The following PRKAR1B variants were observed in gnomAD, a reference collection of about 807,000 sequenced individuals.
PRKAR1B encodes the protein protein kinase cAMP-dependent type I regulatory subunit beta, also known as cAMP-dependent protein kinase type I-beta regulatory subunit.
Under a neutral mutation model 46.5 loss-of-function variants are expected in PRKAR1B, and 22 were observed. That is an observed-to-expected ratio of 0.47 (90% confidence interval 0.34 to 0.68). The LOEUF is 0.68. PRKAR1B is among the 30% of genes least tolerant of loss of function. The probability of loss-of-function intolerance (pLI) is 0.01; values close to 1 mark genes in which losing one functional copy is unlikely to be tolerated. For missense variants in PRKAR1B, 445 were observed against 535.6 expected (o/e 0.83, Z 1.67); for synonymous variants, 259 against 217.7 (o/e 1.19, Z -1.67).
intron 9 of PRKAR1B, among the ~76,000 whole-genome samples, chr7:564,812 C>G (rs142013984): frequency 6.6e-6 from 1 of 152,212 alleles, no homozygotes; most frequent in East Asian, 1.9e-4. Flanking sequence ...ACTCCCGAGA[C>G]GAACACATCA....
At chr7:605,655 G>A (rs28635814) in intron 6 of PRKAR1B, among the ~76,000 whole-genome samples, 1 of 152,340 alleles carries the variant, frequency 6.6e-6, no homozygotes, top group African/African-American at 2.4e-5. Flanking sequence ...TCTCATAAAA[G>A]ATGCTCTTGA....
At chr7:681,371 T>G (rs1247105788) in intron 2 of PRKAR1B, among the ~76,000 whole-genome samples, 1 of 151,160 alleles carries the variant, frequency 6.6e-6, no homozygotes, top group Non-Finnish European at 1.5e-5. Flanking sequence ...CACCTAAAGT[T>G]GCAGTTCCTA....
intron 2 of PRKAR1B, among the ~76,000 whole-genome samples, chr7:682,723 A>T (rs1778761279): frequency 6.6e-6 from 1 of 151,636 alleles, no homozygotes; most frequent in Non-Finnish European, 1.5e-5. Flanking sequence ...AGCCTGGATG[A>T]CAGAGCGAGA....
intron 4 of PRKAR1B, among the ~76,000 whole-genome samples, chr7:658,818 T>C (rs1222104563): frequency 6.6e-6 from 1 of 152,032 alleles, no homozygotes; most frequent in Non-Finnish European, 1.5e-5. Context: ...GCCAGGCTAA[T>C]TTTTGTATTT....
At chr7:575,868 T>C (rs1299355904) in intron 9 of PRKAR1B, among the ~76,000 whole-genome samples, 2 of 152,216 alleles carry the variant, frequency 1.3e-5, no homozygotes, top group Non-Finnish European at 2.9e-5. Flanking sequence ...TGAGCCACCG[T>C]GCCCAACAGC....
intron 7 of PRKAR1B, among the ~76,000 whole-genome samples, chr7:592,728 C>T (rs148566802): frequency 5.9e-4 from 90 of 152,258 alleles, no homozygotes; most frequent in East Asian, 3.1e-3. Flanking sequence ...CCAAAGCTTA[C>T]AAGAAAGAAA....
rs934744489 is a variant in PRKAR1B, at chr7:714,130, G to A, written c.-22-2603C>T. Among the ~76,000 whole-genome samples, 1 of 152,116 alleles carries A rather than the reference G, an allele frequency of 6.6e-6. No individual in the cohort carries two copies. The highest frequency in any genetic ancestry group is 6.5e-5 in the Admixed American group (1 of 15,268). ...ACTCCTGCTCCTCCAGGGTAGACTG[G>A]TGAGGACAGCAAAAAAGACCCAGGT... On this transcript the variant is annotated intron_variant, in intron 1 of 10. Coordinates refer to ENST00000537384, the MANE Select transcript of PRKAR1B (RefSeq NM_001164760.2). The surrounding 1 kb of genome is among the most constrained non-coding windows in gnomAD (Gnocchi z 4.3).
intron 4 of PRKAR1B, among the ~76,000 whole-genome samples, chr7:638,341 C>G (rs576849365): frequency 1.8e-4 from 27 of 152,312 alleles, no homozygotes; most frequent in African/African-American, 6.5e-4. Flanking sequence ...ACACACCTCA[C>G]ATAATTAAAA....
intron 9 of PRKAR1B, among the ~76,000 whole-genome samples, chr7:559,548 C>T (rs1032391913): frequency 7.2e-5 from 11 of 152,186 alleles, no homozygotes; most frequent in Non-Finnish European, 1.5e-4. Flanking sequence ...AGGGAAGCAC[C>T]GGAGCCCAGG....
At chr7:568,168 C>T (rs981371644) in intron 9 of PRKAR1B, among the ~76,000 whole-genome samples, 1 of 152,214 alleles carries the variant, frequency 6.6e-6, no homozygotes, top group Non-Finnish European at 1.5e-5. Context: ...GGGGTCATGG[C>T]CAGGGTGAGG....
In PRKAR1B at chr7:613,241, G is replaced by T. The variant is rs796758130; in HGVS notation, c.441-5789C>A. On this transcript the variant is annotated intron_variant, in intron 4 of 10. Coordinates refer to ENST00000537384, the MANE Select transcript of PRKAR1B (RefSeq NM_001164760.2). ...TCATGTGTTTTTTTCTTTTTCTTTT[G>T]TTTTTTTTTTTTTGATTACTTGTAC... 5.1e-3 allele frequency among the ~76,000 whole-genome samples: 703 copies of T among 136,942 alleles called. 4 individuals carry two copies. The highest frequency in any genetic ancestry group is 0.024 in the South Asian group (100 of 4,240). 89.8% of individuals were successfully genotyped at this position (136,942 alleles called of 152,430 possible).
At chr7:659,800 G>T (rs534813763) in intron 4 of PRKAR1B, among the ~76,000 whole-genome samples, 20 of 152,082 alleles carry the variant, frequency 1.3e-4, no homozygotes, top group African/African-American at 4.6e-4. Context: ...TCCACCTCCC[G>T]GGCTTAAGCG....
intron 4 of PRKAR1B, among the ~76,000 whole-genome samples, chr7:635,292 C>T (rs1783981583): frequency 6.6e-6 from 1 of 152,354 alleles, no homozygotes; most frequent in African/African-American, 2.4e-5. Context: ...TGGCAGCTTC[C>T]ACATCTCAGG....
At chr7:581,554 G>A (rs1458336273) in intron 8 of PRKAR1B, among the ~76,000 whole-genome samples, 2 of 152,192 alleles carry the variant, frequency 1.3e-5, no homozygotes, top group African/African-American at 2.4e-5. Flanking sequence ...GAAGTCAGCT[G>A]CAGTTAGGAA....
chr7:583,470 C>CACCCA lies in PRKAR1B; in HGVS notation c.769+1037_769+1038insTGGGT, dbSNP rs1780357171. On this transcript the variant is annotated intron_variant, in intron 8 of 10. Transcript: ENST00000537384. ...ACTCACACCCACTCACACACGTGCA[C>CACCCA]TCACACCCACGCACACACGTGTGTG... Among the ~76,000 whole-genome samples the CACCCA allele has an allele frequency of 4.2e-5, 6 of 142,162 alleles. No homozygotes were observed. The South Asian group carries it at 1.4e-3, about 33-fold the overall frequency. The allele number at this position is 142,162 out of a possible 152,430, so 93.3% of individuals were successfully genotyped here.
At chr7:562,619 C>T (rs1778873627) in intron 9 of PRKAR1B, among the ~76,000 whole-genome samples, 1 of 152,220 alleles carries the variant, frequency 6.6e-6, no homozygotes, top group Admixed American at 6.5e-5. Context: ...CACACCCTTT[C>T]CTCCATTACT....
intron 4 of PRKAR1B, among the ~76,000 whole-genome samples, chr7:634,713 C>A (rs1461291811): frequency 6.6e-6 from 1 of 151,628 alleles, no homozygotes; most frequent in African/African-American, 2.4e-5. Flanking sequence ...GATCTTGGCT[C>A]ACTGCAACCC....
At chr7:597,889 T>C (rs1264245990) in intron 6 of PRKAR1B, among the ~76,000 whole-genome samples, 1 of 152,148 alleles carries the variant, frequency 6.6e-6, no homozygotes, top group African/African-American at 2.4e-5. Flanking sequence ...AACTTGCAAA[T>C]AGGAACGTGC....
intron 2 of PRKAR1B, among the ~76,000 whole-genome samples, chr7:703,579 C>T (rs1780169463): frequency 6.6e-6 from 1 of 151,710 alleles, no homozygotes; most frequent in South Asian, 2.1e-4. Flanking sequence ...TGGCACGAAC[C>T]CGGGAGGTGG....
Sources: allele counts gnomAD v4.1 joint callset (sites outside exome capture counted in the v4.1 genomes callset), GRCh38; gene constraint gnomAD v4.1.1; non-coding constraint Gnocchi (gnomAD v3.1); transcripts MANE v1.5; gene names NCBI Gene and HGNC (gene_info 2026-07-23, HGNC 2026-07-21).